The following RNF217 variants were observed in gnomAD, a reference collection of about 807,000 sequenced individuals.
RNF217 encodes ring finger protein 217.
Under a neutral mutation model 57.8 loss-of-function variants are expected in RNF217, and 31 were observed. The observed-to-expected ratio is 0.54, with a 90% CI of 0.40 to 0.72. The LOEUF is 0.72. RNF217 is among the 30% of genes least tolerant of loss of function. The pLI, the probability that RNF217 is intolerant of heterozygous loss-of-function variation, is 0.00. For missense variants in RNF217, 696 were observed against 708.3 expected (o/e 0.98, Z 0.20); for synonymous variants, 313 against 294.0 (o/e 1.06, Z -0.66).
chr6:124,987,638 A>G (rs1385557650), intron 1 of RNF217, among the ~76,000 whole-genome samples: 1 of 151,966 alleles, frequency 6.6e-6, no homozygotes, highest in East Asian at 1.9e-4. Context: ...TGTTTTTTTA[A>G]ATGATTATTT....
At chr6:124,981,976 C>T (rs1024560985) in intron 1 of RNF217, among the ~76,000 whole-genome samples, 5 of 143,826 alleles carry the variant, frequency 3.5e-5, no homozygotes, top group Admixed American at 2.2e-4. Flanking sequence ...TGCAATGAAC[C>T]GAGATCGCGC....
intron 3 of RNF217, among the ~76,000 whole-genome samples, chr6:125,074,280 C>G (rs1382947212): frequency 6.8e-6 from 1 of 147,988 alleles, no homozygotes; most frequent in Non-Finnish European, 1.5e-5. Context: ...TTAGGTAGGT[C>G]GGTAGACAGA....
At position 124,996,741 on chromosome 6, in the gene RNF217, T is replaced by C. The variant is rs527290905; in HGVS notation, c.882+33315T>C. 6.6e-5 allele frequency: 10 copies of C among 152,332 alleles called. No homozygotes were observed. The South Asian group carries it at 2.1e-3, about 32-fold the overall frequency. The allele number at this position is 152,332 out of a possible 1,614,324, so 9.4% of individuals were successfully genotyped here. ...ACAATGAGACTATAAGTCACAACAA[T>C]TACAAATTTTAAAAGCTACCAAATA... On this transcript the variant is annotated intron_variant, in intron 1 of 5. Coordinates refer to ENST00000521654, the MANE Select transcript of RNF217 (RefSeq NM_001286398.3).
At chr6:125,062,058 A>G (rs1326489301) in intron 3 of RNF217, among the ~76,000 whole-genome samples, 1 of 152,044 alleles carries the variant, frequency 6.6e-6, no homozygotes, top group Non-Finnish European at 1.5e-5. Flanking sequence ...AAATTATAAT[A>G]CATAATAGTC....
At chr6:125,055,263 C>T (rs1787479798) in intron 2 of RNF217, among the ~76,000 whole-genome samples, 1 of 152,122 alleles carries the variant, frequency 6.6e-6, no homozygotes, top group South Asian at 2.1e-4. Context: ...TATTTGTATT[C>T]ACTTGAGAGA....
chr6:125,084,219 G>A lies in RNF217; in HGVS notation c.*1282G>A, dbSNP rs1788700741. ...TTTGGGGACACCTTCTTATGGAGGA[G>A]TTTGAAAACTTTTTATGTTCTTGAG... On this transcript the variant is annotated 3_prime_UTR_variant, in exon 6 of 6. Transcript: ENST00000521654. The A allele has an allele frequency of 6.6e-6, 1 of 151,880 alleles. No individual in the cohort carries two copies. Among genetic ancestry groups the A allele is most frequent in the Non-Finnish European group, 1.5e-5 (1 of 67,888 alleles). The allele number at this position is 151,880 out of a possible 1,614,324, so 9.4% of individuals were successfully genotyped here. A position where few individuals can be genotyped will look rare whatever the true frequency, so the allele number is the denominator to read the frequency against.
intron 1 of RNF217, among the ~76,000 whole-genome samples, chr6:125,022,777 TC>T (rs1785894091): frequency 6.6e-6 from 1 of 152,160 alleles, no homozygotes; most frequent in Non-Finnish European, 1.5e-5. Flanking sequence ...ACATACACAA[TC>T]ACACTTCCTT....
At chr6:125,013,604 A>G (rs1308737860) in intron 1 of RNF217, among the ~76,000 whole-genome samples, 1 of 152,076 alleles carries the variant, frequency 6.6e-6, no homozygotes, top group Non-Finnish European at 1.5e-5. Flanking sequence ...GTAAAGACTT[A>G]TAGAGTTCGT....
chr6:125,088,759 T>C lies in RNF217; in HGVS notation c.*5822T>C, dbSNP rs1223070884. On this transcript the variant is annotated 3_prime_UTR_variant, in exon 6 of 6. Coordinates refer to ENST00000521654, the MANE Select transcript of RNF217 (RefSeq NM_001286398.3). ...AAAATTTTCATTTGGTGTATCTAACTTTGTATCACTTAAATTATTCAGACT... is the reference window on the plus strand; with the variant it reads ...AAAATTTTCATTTGGTGTATCTAACCTTGTATCACTTAAATTATTCAGACT... 1.3e-5 allele frequency: 2 copies of C among 152,256 alleles called. No homozygotes were observed. Among genetic ancestry groups the C allele is most frequent in the Non-Finnish European group, 2.9e-5 (2 of 68,018 alleles). The allele number at this position is 152,256 out of a possible 1,614,324, so 9.4% of individuals were successfully genotyped here.
chr6:125,014,349 A>T (rs1246516598), intron 1 of RNF217, among the ~76,000 whole-genome samples: 3 of 152,214 alleles, frequency 2.0e-5, no homozygotes, highest in Non-Finnish European at 4.4e-5. Flanking sequence ...GGATTAGCTC[A>T]CCACAGCCTC....
chr6:125,001,573 T>C (rs1328889733), intron 1 of RNF217, among the ~76,000 whole-genome samples: 3 of 152,220 alleles, frequency 2.0e-5, no homozygotes, highest in Non-Finnish European at 4.4e-5. Context: ...AGTATGGCGT[T>C]TTAGTGATAA....
At chr6:125,015,527 T>A (rs1358903209) in intron 1 of RNF217, among the ~76,000 whole-genome samples, 1 of 152,016 alleles carries the variant, frequency 6.6e-6, no homozygotes, top group African/African-American at 2.4e-5. Flanking sequence ...TTTAAGCTAT[T>A]TTAGAAAAGA....
intron 2 of RNF217, among the ~76,000 whole-genome samples, chr6:125,051,547 C>T (rs1020736429): frequency 3.3e-5 from 5 of 152,148 alleles, no homozygotes; most frequent in African/African-American, 9.6e-5. Context: ...ATATGCCTAC[C>T]AGTTGGCCAT....
chr6:125,032,494 A>C (rs1786403438), intron 1 of RNF217, among the ~76,000 whole-genome samples: 1 of 151,912 alleles, frequency 6.6e-6, no homozygotes, highest in African/African-American at 2.4e-5. Flanking sequence ...TTATCTCCAG[A>C]ATATTTTGTC....
At chr6:125,017,975 T>C (rs1209110825) in intron 1 of RNF217, among the ~76,000 whole-genome samples, 5 of 152,338 alleles carry the variant, frequency 3.3e-5, no homozygotes, top group African/African-American at 1.2e-4. Flanking sequence ...ATATTTTGGT[T>C]ACATCCAGTC....
intron 1 of RNF217, among the ~76,000 whole-genome samples, chr6:124,978,279 G>A (rs1164272518): frequency 3.3e-5 from 5 of 151,982 alleles, no homozygotes; most frequent in Middle Eastern, 6.8e-3. Flanking sequence ...CCTGGACCTC[G>A]CTCAGGGACT....
At chr6:125,036,898 T>C (rs1359182476) in intron 1 of RNF217, among the ~76,000 whole-genome samples, 7 of 148,372 alleles carry the variant, frequency 4.7e-5, no homozygotes, top group African/African-American at 1.7e-4. Context: ...ATATTTATTA[T>C]ATATTATTTA....
chr6:124,965,404 T>C (rs1227184769), intron 1 of RNF217, among the ~76,000 whole-genome samples: 1 of 151,800 alleles, frequency 6.6e-6, no homozygotes, highest in African/African-American at 2.4e-5. Flanking sequence ...TGAAACCCCG[T>C]CTCTACTAAA....
chr6:125,003,080 G>A (rs1471567286), intron 1 of RNF217, among the ~76,000 whole-genome samples: 1 of 151,910 alleles, frequency 6.6e-6, no homozygotes, highest in Non-Finnish European at 1.5e-5. Flanking sequence ...AAGTAGTGAG[G>A]CCCTTGTCAT....
Sources: gnomAD v4.1 joint callset for allele counts (sites outside exome capture counted in the v4.1 genomes callset) on GRCh38, gnomAD v4.1.1 for gene constraint, MANE v1.5 for transcripts, NCBI Gene and HGNC (gene_info 2026-07-23, HGNC 2026-07-21) for gene names.